The following PKHD1 variants were observed in gnomAD, a reference collection of about 807,000 sequenced individuals.
PKHD1 encodes the protein PKHD1 ciliary IPT domain containing fibrocystin/polyductin.
In PKHD1, 291 loss-of-function variants were observed where a neutral mutation model predicts 412.0. The ratio of observed to expected loss-of-function variants is 0.71; its 90% confidence interval spans 0.64 to 0.78. The LOEUF (loss-of-function observed/expected upper bound fraction) is 0.78, where lower values mean the gene tolerates loss of function less well. Ranked by LOEUF, PKHD1 falls within the 30% of genes least tolerant of loss-of-function variation. The probability of loss-of-function intolerance (pLI) is 0.00; values close to 1 mark genes in which losing one functional copy is unlikely to be tolerated. For synonymous variants in PKHD1, 1,777 were observed against 1,821.5 expected (o/e 0.98, Z 0.62); for missense variants, 4,825 against 4,950.7 (o/e 0.97, Z 0.76).
chr6:51,690,307 G>T (rs531149532), intron 60 of PKHD1, among the ~76,000 whole-genome samples: 2 of 142,782 alleles, frequency 1.4e-5, no homozygotes, highest in South Asian at 4.5e-4. Flanking sequence ...AAAGAACTAG[G>T]GAAAATTATT....
At chr6:51,622,430 A>G (rs895422764) in intron 66 of PKHD1, 1 of 152,200 alleles carries the variant, frequency 6.6e-6, no homozygotes, top group Non-Finnish European at 1.5e-5. Flanking sequence ...GAGCCTAAAC[A>G]GGATCTGAAG....
chr6:51,717,433 G>A (rs1363968505), intron 60 of PKHD1, among the ~76,000 whole-genome samples: 1 of 151,622 alleles, frequency 6.6e-6, no homozygotes, highest in Non-Finnish European at 1.5e-5. Flanking sequence ...AAAATGGACT[G>A]CATATATGAT....
intron 65 of PKHD1, among the ~76,000 whole-genome samples, chr6:51,631,179 C>T (rs547230564): frequency 9.2e-5 from 14 of 152,172 alleles, no homozygotes; most frequent in Admixed American, 6.6e-4. Flanking sequence ...ACCTACTTCA[C>T]GGGATTACAT....
intron 9 of PKHD1, 139 bp from the exon 10 acceptor site, chr6:52,070,584 G>C (rs1344334137): frequency 4.6e-6 from 3 of 646,768 alleles, no homozygotes; most frequent in Admixed American, 5.5e-5. Flanking sequence ...GTTCCCCCCC[G>C]CAAAAACAAA....
chr6:51,632,663 T>G lies in PKHD1; in HGVS notation c.11567A>C (p.Lys3856Thr), dbSNP rs1160507513. 2 of 1,613,452 alleles carry G rather than the reference T, an allele frequency of 1.2e-6. No individual in the cohort carries two copies. The highest frequency in any genetic ancestry group is 2.2e-5 in the South Asian group (2 of 91,060). ...FAVLPVTRKE[K>T]STIILAASLS... Reference sequence around the variant, plus strand: ...GGAAGCAGCCAGGATGATGGTCGACTTCTCCTTCCTAGTCACAGGCAAGAC... The same window carrying G: ...GGAAGCAGCCAGGATGATGGTCGACGTCTCCTTCCTAGTCACAGGCAAGAC... The change falls in exon 65 of 67, where the codon AAG becomes ACG. Residue 3856 changes from lysine (K) to threonine (T), a missense_variant. By Grantham distance (78) the Lys-to-Thr change is moderately conservative. Coordinates refer to ENST00000371117, the MANE Select transcript of PKHD1 (RefSeq NM_138694.4).
chr6:51,796,817 A>AT lies in PKHD1; in HGVS notation c.8303-5445dup, dbSNP rs35774390. On this transcript the variant is annotated intron_variant, in intron 52 of 66. Coordinates refer to ENST00000371117, the MANE Select transcript of PKHD1 (RefSeq NM_138694.4). ...CATGGTGTTGTGTGGTTTTGAATAG[A>AT]TTTTTTTTTTTTTTTGGAGACAGAG... 4.8e-3 allele frequency among the ~76,000 whole-genome samples: 658 copies of AT among 136,836 alleles called. 14 individuals are homozygous for AT. Among genetic ancestry groups the AT allele is most frequent in the East Asian group, 0.035 (161 of 4,650 alleles). The allele number at this position is 136,836 out of a possible 152,430, so 89.8% of individuals were successfully genotyped here. A position where few individuals can be genotyped will look rare whatever the true frequency, so the allele number is the denominator to read the frequency against.
intron 60 of PKHD1, among the ~76,000 whole-genome samples, chr6:51,744,101 G>A (rs1394084876): frequency 6.6e-6 from 1 of 152,238 alleles, no homozygotes; most frequent in Non-Finnish European, 1.5e-5. Context: ...CCCAAGCTGG[G>A]CGAGAACTGT....
chr6:51,639,191 C>T (rs1167890702), intron 63 of PKHD1, among the ~76,000 whole-genome samples: 1 of 152,062 alleles, frequency 6.6e-6, no homozygotes, highest in Non-Finnish European at 1.5e-5. Flanking sequence ...TCTATATATA[C>T]ACGATTGCCT....
intron 61 of PKHD1, among the ~76,000 whole-genome samples, chr6:51,655,469 A>G (rs888057066): frequency 6.6e-6 from 1 of 152,132 alleles, no homozygotes; most frequent in Non-Finnish European, 1.5e-5. Context: ...TGATAAGTAT[A>G]TACACATTGC....
intron 36 of PKHD1, among the ~76,000 whole-genome samples, chr6:51,959,219 T>C (rs1547027): frequency 0.36 from 53,944 of 151,946 alleles, 10,649 homozygotes; most frequent in East Asian, 0.77. Flanking sequence ...AACAGAGGCA[T>C]TTTGATAACT....
At chr6:52,054,956 A>T (rs1807477834) in intron 19 of PKHD1, among the ~76,000 whole-genome samples, 1 of 152,224 alleles carries the variant, frequency 6.6e-6, no homozygotes, top group African/African-American at 2.4e-5. Context: ...CCACCACTCC[A>T]GCAAAACTCA....
At chr6:51,830,385 T>C (rs987517673) in intron 52 of PKHD1, among the ~76,000 whole-genome samples, 1 of 152,208 alleles carries the variant, frequency 6.6e-6, no homozygotes, top group Non-Finnish European at 1.5e-5. Context: ...GGTATTTTTC[T>C]ATTTTATTAA....
intron 52 of PKHD1, among the ~76,000 whole-genome samples, chr6:51,803,117 C>G (rs1763194439): frequency 6.6e-6 from 1 of 151,228 alleles, no homozygotes; most frequent in African/African-American, 2.5e-5. Context: ...GCAAACCAAT[C>G]TATATGTTGT....
At chr6:51,995,634 C>T (rs1583788035) in intron 35 of PKHD1, among the ~76,000 whole-genome samples, 1 of 152,186 alleles carries the variant, frequency 6.6e-6, no homozygotes, top group East Asian at 1.9e-4. Flanking sequence ...AATTTTTCCA[C>T]CCAGAAGATT....
At chr6:51,650,955 ATGT>A (rs1219132068) in intron 61 of PKHD1, among the ~76,000 whole-genome samples, 3 of 152,082 alleles carry the variant, frequency 2.0e-5, no homozygotes, top group Non-Finnish European at 2.9e-5. Flanking sequence ...GAAAATTCTA[ATGT>A]TGTTATCAGA....
At chr6:51,739,005 ATGTGTGTGTG>A (rs148648226) in intron 60 of PKHD1, among the ~76,000 whole-genome samples, 1 of 149,096 alleles carries the variant, frequency 6.7e-6, no homozygotes, top group African/African-American at 2.5e-5. Context: ...CTCTCCTGGA[ATGTGTGTGTG>A]TGTGTGTATG....
At chr6:51,667,961 G>A (rs1774139147) in intron 60 of PKHD1, among the ~76,000 whole-genome samples, 1 of 152,176 alleles carries the variant, frequency 6.6e-6, no homozygotes, top group Admixed American at 6.5e-5. Context: ...TTGTAGTATA[G>A]TTTGAAGTCA....
At chr6:51,953,686 C>T (rs1052143696) in intron 36 of PKHD1, among the ~76,000 whole-genome samples, 5 of 151,920 alleles carry the variant, frequency 3.3e-5, no homozygotes, top group African/African-American at 1.2e-4. Flanking sequence ...CTACAATGAA[C>T]CTGACAGTGA....
At chr6:51,703,461 G>C (rs941014681) in intron 60 of PKHD1, among the ~76,000 whole-genome samples, 8 of 151,794 alleles carry the variant, frequency 5.3e-5, no homozygotes, top group African/African-American at 1.5e-4. Flanking sequence ...CTAGTTAATG[G>C]AGAACTTCCC....
Sources: allele counts gnomAD v4.1 joint callset (sites outside exome capture counted in the v4.1 genomes callset), GRCh38; gene constraint gnomAD v4.1.1; transcripts MANE v1.5; gene names NCBI Gene and HGNC (gene_info 2026-07-23, HGNC 2026-07-21).